Variants in ADGRE2 observed in about 807,000 individuals in gnomAD.
ADGRE2 encodes the protein adhesion G protein-coupled receptor E2, also known as CD97 antigen.
A neutral mutation model predicts 100.8 loss-of-function variants in ADGRE2; 83 were observed. The ratio of observed to expected loss-of-function variants is 0.82; its 90% CI spans 0.69 to 0.99. ADGRE2 has a LOEUF of 0.99. Among genes scored for constraint, ADGRE2 ranks in the 50% least tolerant of loss-of-function variants. The pLI is 0.00. For missense variants in ADGRE2, 814 were observed against 1,035.7 expected (o/e 0.79, Z 2.94); for synonymous variants, 355 against 413.0 (o/e 0.86, Z 1.70).
intron 18 of ADGRE2, among the ~76,000 whole-genome samples, chr19:14,745,368 G>T (rs369583514): frequency 4.6e-5 from 7 of 152,120 alleles, no homozygotes; most frequent in African/African-American, 1.7e-4. Context: ...AGTATTTGGG[G>T]TATCCGTCAC....
chr19:14,764,241 T>A (rs2080678393), intron 11 of ADGRE2, among the ~76,000 whole-genome samples, 192 bp downstream of exon 11: 1 of 150,752 alleles, frequency 6.6e-6, no homozygotes, highest in Non-Finnish European at 1.5e-5. Context: ...AAAAGATTTT[T>A]TTTTTTTTGT....
chr19:14,756,188 CT>C, intron 12 of ADGRE2, 49 bp downstream of exon 12: 1 of 1,349,700 alleles, frequency 7.4e-7, no homozygotes, highest in Non-Finnish European at 1.1e-6. Context: ...TCTTGGGCAT[CT>C]TTTCCCACCA....
chr19:14,769,357 A>G (rs1172291746), intron 5 of ADGRE2, among the ~76,000 whole-genome samples: 1 of 152,144 alleles, frequency 6.6e-6, no homozygotes, highest in Non-Finnish European at 1.5e-5. Flanking sequence ...ACAGGTGACC[A>G]GGTGTTTGGG....
intron 12 of ADGRE2, 64 bp from the exon 13 acceptor site, chr19:14,755,941 C>G: frequency 1.4e-6 from 2 of 1,390,468 alleles, no homozygotes; most frequent in Non-Finnish European, 2.0e-6. Context: ...CACCAGAGTT[C>G]CTCTGCCCTG....
chr19:14,728,419 C>T (rs369397294), downstream of ADGRE2, among the ~76,000 whole-genome samples: 1 of 152,206 alleles, frequency 6.6e-6, no homozygotes, highest in Non-Finnish European at 1.5e-5. Flanking sequence ...CTTCTCCTCT[C>T]ATCCCTGAGG....
intron 14 of ADGRE2, among the ~76,000 whole-genome samples, chr19:14,754,485 A>ATCTGTCTATCTG (rs1555784892): frequency 5.6e-5 from 8 of 142,968 alleles, no homozygotes; most frequent in African/African-American, 2.1e-4. Context: ...CTATCTATCT[A>ATCTGTCTATCTG]TCTATTCCAT....
rs768809367 is a variant in ADGRE2, at chr19:14,755,162, G to T, written c.1417-35C>A. ...CAGAACACAGGTGTGGGCTGGGCAT[G>T]GTGGCTCACGCCTGTAATCCCAGCA... On this transcript the variant is annotated intron_variant, in intron 13 of 20. Transcript: ENST00000315576. 29 of 1,598,916 alleles carry T rather than the reference G, an allele frequency of 1.8e-5. No homozygotes were observed. In the Middle Eastern group the frequency reaches 7.0e-4, roughly 39 times the overall value.
chr19:14,755,172 G>A (rs773443585), intron 13 of ADGRE2, 45 bp from the exon 14 acceptor site: 19 of 1,585,044 alleles, frequency 1.2e-5, no homozygotes, highest in Non-Finnish European at 1.5e-5. Context: ...GGTGGCTCAC[G>A]CCTGTAATCC....
At chr19:14,761,500 T>G (rs977799510) in intron 11 of ADGRE2, among the ~76,000 whole-genome samples, 4 of 151,972 alleles carry the variant, frequency 2.6e-5, no homozygotes, top group Admixed American at 6.6e-5. Flanking sequence ...GCAGAGAGTG[T>G]GGGTAAGGAA....
Position 14,733,259 on chromosome 19 carries a change from C to A in ADGRE2, c.*2977G>T, listed in dbSNP as rs192222124. 2 of 152,224 alleles carry A rather than the reference C, an allele frequency of 1.3e-5. No individual in the cohort carries two copies. Among genetic ancestry groups the A allele is most frequent in the East Asian group, 1.9e-4 (1 of 5,192 alleles). 9.4% of individuals were successfully genotyped at this position (152,224 alleles called of 1,614,324 possible). A position where few individuals can be genotyped will look rare whatever the true frequency, so the allele number is the denominator to read the frequency against. ...GAGCCCCGTTATTTTGGACAAACAC[C>A]GCCACTTTAAGTTTCAGCTTCATTT... On this transcript the variant is annotated 3_prime_UTR_variant, in exon 21 of 21. Coordinates refer to ENST00000315576, the MANE Select transcript of ADGRE2 (RefSeq NM_013447.4).
At chr19:14,764,926 A>G (rs1296626917) in intron 10 of ADGRE2, among the ~76,000 whole-genome samples, 2 of 152,066 alleles carry the variant, frequency 1.3e-5, no homozygotes, top group Non-Finnish European at 1.5e-5. Flanking sequence ...CTGAGGGAGG[A>G]GAATCGCTTG....
chr19:14,728,380 T>A (rs1237555965), downstream of ADGRE2, among the ~76,000 whole-genome samples: 1 of 152,230 alleles, frequency 6.6e-6, no homozygotes, highest in Admixed American at 6.5e-5. Context: ...TCTGTTTCTC[T>A]GAGGTCTGGC....
rs921007704 is a variant in ADGRE2 at position 14,747,965 on chromosome 19, T to C, written c.2025-1003A>G. Among the ~76,000 whole-genome samples, 4 of 152,220 alleles carry C rather than the reference T, an allele frequency of 2.6e-5. No individual in the cohort carries two copies. In the East Asian group the frequency reaches 7.7e-4, roughly 29 times the overall value. On this transcript the variant is annotated intron_variant, in intron 16 of 20. Coordinates refer to ENST00000315576, the MANE Select transcript of ADGRE2 (RefSeq NM_013447.4). ...TAAATACTGCTTCTATGAGCATTCA[T>C]GTACAACATTTTTCTAAACGTTTAT...
intron 11 of ADGRE2, among the ~76,000 whole-genome samples, chr19:14,757,193 T>C (rs12327671): frequency 0.44 from 66,171 of 152,006 alleles, 15,548 homozygotes; most frequent in African/African-American, 0.6. Flanking sequence ...CCACTGCTTC[T>C]GGCCTACAAA....
In ADGRE2 at chr19:14,753,130, A is replaced by G. The variant is rs1051069461; in HGVS notation, c.1591-604T>C. On this transcript the variant is annotated intron_variant, in intron 14 of 20. Coordinates refer to ENST00000315576, the MANE Select transcript of ADGRE2 (RefSeq NM_013447.4). ...TCTGTGTTGCACAGGCTGGTCTCGA[A>G]TTCCTGGGCTCAAGTGATCCTCCCG... 2.0e-5 allele frequency among the ~76,000 whole-genome samples: 3 copies of G among 151,816 alleles called. 1 individual carries two copies. The South Asian group carries it at 6.2e-4, about 31-fold the overall frequency.
chr19:14,732,212 G>A (rs1014139322), downstream of ADGRE2: 2 of 151,936 alleles, frequency 1.3e-5, no homozygotes, highest in Non-Finnish European at 2.9e-5. Flanking sequence ...GCCCTGTGTC[G>A]AGCAAGTCTG....
chr19:14,765,608 C>G (rs151029199), intron 8 of ADGRE2, 38 bp from the exon 9 acceptor site: 6 of 1,614,308 alleles, frequency 3.7e-6, no homozygotes, highest in Non-Finnish European at 5.1e-6. Flanking sequence ...TAGGCGGGAG[C>G]GTGTCAGTGT....
At position 14,773,960 on chromosome 19, in the gene ADGRE2, G is replaced by A. The variant is rs544485869; in HGVS notation, c.177C>T (p.Thr59=). Residue 59 remains threonine (T), a synonymous_variant, in exon 4 of 21, where the codon ACC becomes ACT. Coordinates refer to ENST00000315576, the MANE Select transcript of ADGRE2 (RefSeq NM_013447.4). ...TACCGTCACAAGTCTCCATGGGGGT[G>A]GTGATGATCTCAGAAAAAGAGCTGA... The part of the protein sequence containing the change: ...PGFSSFSEII[T]TPMETCDDIN... The A allele has an allele frequency of 6.2e-7, 1 of 1,614,198 alleles. No individual in the cohort carries two copies. The highest frequency in any genetic ancestry group is 1.3e-5 in the African/African-American group (1 of 75,058).
intron 20 of ADGRE2, among the ~76,000 whole-genome samples, chr19:14,737,239 G>A (rs1463427715): frequency 6.6e-6 from 1 of 150,584 alleles, no homozygotes; most frequent in Admixed American, 6.6e-5. Flanking sequence ...CCAGTCTGGA[G>A]TGCAGTGGCA....
Sources: gnomAD v4.1 joint callset for allele counts (sites outside exome capture counted in the v4.1 genomes callset) on GRCh38, gnomAD v4.1.1 for gene constraint, MANE v1.5 for transcripts, NCBI Gene and HGNC (gene_info 2026-07-23, HGNC 2026-07-21) for gene names.